FRZB: variants seen among roughly 807,000 people sequenced by gnomAD.
FRZB encodes the protein frizzled related protein, also known as secreted frizzled-related protein 3.
Under a neutral mutation model 32.5 loss-of-function variants are expected in FRZB, and 34 were observed. That is an observed-to-expected ratio of 1.05 (90% CI 0.80 to 1.39). The LOEUF is 1.39. FRZB is among the 40% of genes most tolerant of loss of function. FRZB has a pLI of 0.00. For synonymous variants in FRZB, 170 were observed against 159.2 expected (o/e 1.07, Z -0.51); for missense variants, 423 against 424.8 (o/e 1.00, Z 0.04).
intron 2 of FRZB, among the ~76,000 whole-genome samples, chr2:182,844,447 G>A (rs1489100053): frequency 6.6e-6 from 1 of 152,104 alleles, no homozygotes; most frequent in Non-Finnish European, 1.5e-5. Context: ...TATTTCTGAA[G>A]ACGTAAATTT....
intron 2 of FRZB, among the ~76,000 whole-genome samples, chr2:182,846,242 ATTGT>A (rs2105756070): frequency 6.6e-6 from 1 of 152,320 alleles, no homozygotes; most frequent in Admixed American, 6.5e-5. Flanking sequence ...TTAATGCAAC[ATTGT>A]TTGAGTTCAA....
chr2:182,851,691 C>A (rs1389746556), intron 2 of FRZB, among the ~76,000 whole-genome samples: 3 of 151,430 alleles, frequency 2.0e-5, no homozygotes, highest in Non-Finnish European at 3.0e-5. Context: ...AAAAAAAAAA[C>A]AACTTCAGTA....
chr2:182,841,784 G>T (rs10931042), intron 3 of FRZB, among the ~76,000 whole-genome samples: 38,648 of 151,948 alleles, frequency 0.25, 5,749 homozygotes, highest in East Asian at 0.54. Context: ...AATCAAGATG[G>T]TAATATATCT....
intron 1 of FRZB, among the ~76,000 whole-genome samples, chr2:182,859,481 A>G (rs139512461): frequency 6.6e-6 from 1 of 152,280 alleles, no homozygotes; most frequent in Non-Finnish European, 1.5e-5. Context: ...AGCAGCCTCT[A>G]ATGAATAACA....
At chr2:182,839,356 A>G (rs12611837) in intron 3 of FRZB, among the ~76,000 whole-genome samples, 66,655 of 151,734 alleles carry the variant, frequency 0.44, 15,716 homozygotes, top group Non-Finnish European at 0.52. Flanking sequence ...AGTGGGCTAT[A>G]TTTACTTCTT....
intron 1 of FRZB, among the ~76,000 whole-genome samples, chr2:182,859,949 A>T (rs1695812975): frequency 6.6e-6 from 1 of 152,248 alleles, no homozygotes; most frequent in African/African-American, 2.4e-5. Flanking sequence ...CCCAAGTATT[A>T]CAGTAACGTG....
intron 3 of FRZB, 49 bp from the exon 4 acceptor site, chr2:182,838,662 T>G: frequency 1.3e-6 from 2 of 1,494,352 alleles, no homozygotes; most frequent in East Asian, 4.5e-5. Context: ...ACATAATAGC[T>G]ACCCCATTCA....
intron 3 of FRZB, among the ~76,000 whole-genome samples, chr2:182,840,011 C>T (rs770821879): frequency 6.6e-6 from 1 of 152,058 alleles, no homozygotes; most frequent in Non-Finnish European, 1.5e-5. Context: ...ACTTATTCTA[C>T]CAGTACAACA....
intron 5 of FRZB, among the ~76,000 whole-genome samples, chr2:182,836,139 T>A (rs288322): frequency 0.054 from 8,273 of 152,042 alleles, 376 homozygotes; most frequent in African/African-American, 0.12. Context: ...CCCAAGGAAG[T>A]CCAAACATCT....
Position 182,845,951 on chromosome 2 carries a change from C to G in FRZB, c.527-3408G>C, listed in dbSNP as rs76917073. Among the ~76,000 whole-genome samples, 1,331 of 152,296 alleles carry G rather than the reference C, an allele frequency of 8.7e-3. 14 individuals carry two copies. The highest frequency in any genetic ancestry group is 0.013 in the Non-Finnish European group (898 of 68,034). Reference sequence around the variant, plus strand: ...CAAAGTTAACATGCCCAGTACTTCGCAGAAGTTAGTCTGCAGCTCAGGGGA... The same window carrying G: ...CAAAGTTAACATGCCCAGTACTTCGGAGAAGTTAGTCTGCAGCTCAGGGGA... On this transcript the variant is annotated intron_variant, in intron 2 of 5. Transcript: ENST00000295113.
intron 2 of FRZB, among the ~76,000 whole-genome samples, chr2:182,844,311 T>C (rs1260648170): frequency 2.0e-5 from 3 of 152,198 alleles, no homozygotes; most frequent in African/African-American, 7.2e-5. Flanking sequence ...AAAATAACTT[T>C]ATTAGCAAAA....
chr2:182,864,076 A>G (rs911057441), intron 1 of FRZB, among the ~76,000 whole-genome samples: 5 of 152,256 alleles, frequency 3.3e-5, no homozygotes, highest in Non-Finnish European at 7.3e-5. Context: ...CTTAGAAATC[A>G]GGTCCCATGA....
intron 2 of FRZB, among the ~76,000 whole-genome samples, chr2:182,850,290 C>T (rs770667918): frequency 7.9e-5 from 12 of 152,176 alleles, no homozygotes; most frequent in Non-Finnish European, 1.6e-4. Context: ...ACTATAGTCT[C>T]CATACTGATC....
At chr2:182,838,283 A>G in intron 4 of FRZB, 126 bp downstream of exon 4, 1 of 816,356 alleles carries the variant, frequency 1.2e-6, no homozygotes, top group Admixed American at 2.7e-5. Flanking sequence ...ACTAAAACTT[A>G]TCTGTAATCC....
intron 3 of FRZB, among the ~76,000 whole-genome samples, chr2:182,842,066 C>A (rs959733388): frequency 2.0e-5 from 3 of 152,120 alleles, no homozygotes; most frequent in African/African-American, 7.2e-5. Context: ...CTGAAGAAGT[C>A]AAGTTTGAGT....
At chr2:182,858,092 A>G (rs941741806) in intron 2 of FRZB, among the ~76,000 whole-genome samples, 2 of 152,226 alleles carry the variant, frequency 1.3e-5, no homozygotes, top group East Asian at 1.9e-4. Context: ...ACAGTTTGGC[A>G]CTTTTTTACA....
chr2:182,839,424 TCC>T (rs1436577479), intron 3 of FRZB, among the ~76,000 whole-genome samples: 1 of 152,046 alleles, frequency 6.6e-6, no homozygotes, highest in Non-Finnish European at 1.5e-5. Context: ...AGTCAGACAC[TCC>T]AACATTCCTT....
chr2:182,837,266 T>C (rs1264499376), intron 5 of FRZB, among the ~76,000 whole-genome samples: 1 of 152,074 alleles, frequency 6.6e-6, no homozygotes, highest in Non-Finnish European at 1.5e-5. Context: ...GGCTTAAAAA[T>C]AAGGCTACAT....
intron 2 of FRZB, among the ~76,000 whole-genome samples, chr2:182,843,196 G>C (rs1375997491): frequency 1.3e-5 from 2 of 152,118 alleles, no homozygotes; most frequent in Non-Finnish European, 2.9e-5. Context: ...AACAATATTT[G>C]GTGAGTAGTG....
Sources: allele counts gnomAD v4.1 joint callset (sites outside exome capture counted in the v4.1 genomes callset), GRCh38; gene constraint gnomAD v4.1.1; transcripts MANE v1.5; gene names NCBI Gene and HGNC (gene_info 2026-07-23, HGNC 2026-07-21).